The following RUSC2 variants were observed in gnomAD, a reference collection of about 807,000 sequenced individuals.
RUSC2 encodes the protein RUN and SH3 domain containing 2, also known as AP-4 complex accessory subunit RUSC2.
A neutral mutation model predicts 122.2 loss-of-function variants in RUSC2; 34 were observed. The ratio of observed to expected loss-of-function variants is 0.28; its 90% CI spans 0.21 to 0.37. RUSC2 has a LOEUF of 0.37. Among genes scored for constraint, RUSC2 ranks in the 10% least tolerant of loss-of-function variants. RUSC2 has a pLI of 1.00. For missense variants in RUSC2, 1,747 were observed against 1,952.4 expected, an observed-to-expected ratio of 0.89 and a Z score of 1.98; for synonymous variants, 784 against 790.0, an observed-to-expected ratio of 0.99 and a Z score of 0.13.
At chr9:35,516,862 T>G (rs1304649188) in intron 1 of RUSC2, among the ~76,000 whole-genome samples, 3 of 152,190 alleles carry the variant, frequency 2.0e-5, no homozygotes, top group Non-Finnish European at 4.4e-5. Flanking sequence ...TTTAAAGAGT[T>G]GTTGTTTGTT....
chr9:35,496,160 C>T (rs1020951742), intron 1 of RUSC2, among the ~76,000 whole-genome samples: 24 of 152,062 alleles, frequency 1.6e-4, no homozygotes, highest in African/African-American at 4.8e-4. Context: ...GAGAAGCATG[C>T]AACAAGTGGA....
intron 1 of RUSC2, among the ~76,000 whole-genome samples, chr9:35,541,023 A>G (rs1026164493): frequency 3.2e-4 from 48 of 152,176 alleles, no homozygotes; most frequent in African/African-American, 1.2e-3. Flanking sequence ...TGTTTAATAA[A>G]TGATCACTTA....
chr9:35,500,788 A>G (rs1186836592), intron 1 of RUSC2, among the ~76,000 whole-genome samples: 1 of 152,236 alleles, frequency 6.6e-6, no homozygotes, highest in Non-Finnish European at 1.5e-5. Context: ...ATTTATAGCT[A>G]TAGTTAACTT....
Position 35,560,445 on chromosome 9 carries a change from G to A in RUSC2, c.3805G>A (p.Gly1269Ser), listed in dbSNP as rs765299272. 8.7e-6 allele frequency: 14 copies of A among 1,614,096 alleles called. No homozygotes were observed. In the East Asian group the frequency reaches 2.0e-4, roughly 23 times the overall value. ...RARWARGGQA[G>S]WWYQLMQSSQ... Reference sequence around the variant, plus strand: ...CAGGTGGGCCCGAGGTGGGCAGGCCGGCTGGTGGTACCAGCTCATGCAGAG... The same window carrying A: ...CAGGTGGGCCCGAGGTGGGCAGGCCAGCTGGTGGTACCAGCTCATGCAGAG... Residue 1269 changes from glycine (G) to serine (S), a missense_variant, in exon 10 of 12, where the codon GGC becomes AGC. Gly to Ser is a moderately conservative substitution (Grantham distance 56). Transcript: ENST00000361226.
chr9:35,556,024 T>C lies in RUSC2; in HGVS notation c.2729T>C (p.Leu910Ser). The stretch of plus-strand genomic sequence containing the variant: ...AAGAACCCACTAGGGCCACCTGGTT[T>C]GTCAGGGAGCCTAGACCGAAGATCA... ...RRKNPLGPPGLSGSLDRRSQE... is the reference protein window; with the variant it reads ...RRKNPLGPPGSSGSLDRRSQE... Residue 910 changes from leucine (L) to serine (S), a missense_variant, in exon 4 of 12, where the codon TTG (leucine) becomes TCG (serine). By Grantham distance (145) the Leu-to-Ser change is moderately radical. Coordinates refer to ENST00000361226, the MANE Select transcript of RUSC2 (RefSeq NM_014806.5). 1 of 1,614,208 alleles carries C rather than the reference T, an allele frequency of 6.2e-7. No individual in the cohort carries two copies. Among genetic ancestry groups the C allele is most frequent in the Non-Finnish European group, 8.5e-7 (1 of 1,180,036 alleles).
Position 35,546,567 on chromosome 9 carries a change from C to T in RUSC2, c.46C>T (p.His16Tyr). ...KLTGETLIVH[H>Y]IPLVHCQVPD... Reference sequence around the variant, plus strand: ...GACTGGAGAGACCCTCATCGTTCATCACATCCCCCTGGTGCACTGCCAAGT... The same window carrying T: ...GACTGGAGAGACCCTCATCGTTCATTACATCCCCCTGGTGCACTGCCAAGT... The change falls in exon 2 of 12, where the codon CAC (histidine) becomes TAC (tyrosine). Residue 16 changes from histidine (H) to tyrosine (Y), a missense_variant. Transcript: ENST00000361226. This position sits in a 1 kb window ranked among gnomAD's most constrained non-coding sequence, Gnocchi z 4.3. 1 of 1,491,894 alleles carries T rather than the reference C, an allele frequency of 6.7e-7. No individual in the cohort carries two copies. 92.4% of individuals were successfully genotyped at this position (1,491,894 alleles called of 1,614,324 possible). A position where few individuals can be genotyped will look rare whatever the true frequency, so the allele number is the denominator to read the frequency against.
intron 1 of RUSC2, among the ~76,000 whole-genome samples, chr9:35,545,879 A>G (rs532539710): frequency 8.5e-5 from 13 of 152,290 alleles, no homozygotes; most frequent in African/African-American, 3.1e-4. Context: ...GTAGGACGAG[A>G]AAGGGGATCA....
chr9:35,512,103 C>T (rs1821020723), intron 1 of RUSC2, among the ~76,000 whole-genome samples: 1 of 152,060 alleles, frequency 6.6e-6, no homozygotes, highest in South Asian at 2.1e-4. Context: ...ATGGCATGAA[C>T]CCGGGAGGCG....
chr9:35,547,102 AGCT>A lies in RUSC2; in HGVS notation c.583_585del (p.Leu195del). ...GGCACCAGCCACTGCTGCCGGCCAG[AGCT>A]GGAAGCAGAGACTATGGAGCTGGAT... On this transcript the variant is annotated inframe_deletion, in exon 2 of 12. Coordinates refer to ENST00000361226, the MANE Select transcript of RUSC2 (RefSeq NM_014806.5). The surrounding 1 kb of genome is among the most constrained non-coding windows in gnomAD (Gnocchi z 4.6). The A allele has an allele frequency of 6.2e-7, 1 of 1,614,118 alleles. No homozygotes were observed.
rs751467649 is a variant in RUSC2 at position 35,555,584 on chromosome 9, C to T, written c.2539C>T (p.Arg847Trp). ...DQKILTLTEY[R>W]LHGTGSLPPL... Reference sequence around the variant, plus strand: ...GAAGATACTGACCTTGACTGAGTACCGGCTCCATGGAACAGGAAGCTTGCC... The same window carrying T: ...GAAGATACTGACCTTGACTGAGTACTGGCTCCATGGAACAGGAAGCTTGCC... Residue 847 changes from arginine to tryptophan, a missense_variant, in exon 3 of 12, where the codon CGG becomes TGG. Arg to Trp is a moderately radical substitution (Grantham distance 101). Transcript: ENST00000361226. The surrounding 1 kb of genome is among the most constrained non-coding windows in gnomAD (Gnocchi z 4.6). 20 of 1,613,858 alleles carry T rather than the reference C, an allele frequency of 1.2e-5. No homozygotes were observed. The highest frequency in any genetic ancestry group is 2.2e-5 in the East Asian group (1 of 44,896).
intron 1 of RUSC2, among the ~76,000 whole-genome samples, chr9:35,492,927 A>G (rs1437696583): frequency 1.3e-5 from 2 of 151,706 alleles, no homozygotes; most frequent in Non-Finnish European, 2.9e-5. Context: ...ATCATGCACT[A>G]TTTGTCTCTT....
chr9:35,552,542 G>T (rs1821921363), intron 2 of RUSC2, among the ~76,000 whole-genome samples: 1 of 152,308 alleles, frequency 6.6e-6, no homozygotes, highest in Middle Eastern at 3.4e-3. Context: ...TGGGATATTT[G>T]ATTGCAAACT....
chr9:35,556,465 G>C lies in RUSC2; in HGVS notation c.2983+17G>C. On this transcript the variant is annotated intron_variant, in intron 5 of 11. Coordinates refer to ENST00000361226, the MANE Select transcript of RUSC2 (RefSeq NM_014806.5). ...AGAAAAAAGGTGCATACAACCCCCA[G>C]CTCAGGCCAGGGACTCTGCTGTCAC... 6.2e-7 allele frequency: 1 copy of C among 1,611,594 alleles called. No homozygotes were observed. The highest frequency in any genetic ancestry group is 8.5e-7 in the Non-Finnish European group (1 of 1,178,872).
chr9:35,555,915 C>T lies in RUSC2; in HGVS notation c.2657-37C>T. ...GAAACTCTGTCTCGCTGTCTCCTGC[C>T]AACTCTTGTCTTTCTGCTAATCTGT... On this transcript the variant is annotated intron_variant, in intron 3 of 11. Coordinates refer to ENST00000361226, the MANE Select transcript of RUSC2 (RefSeq NM_014806.5). The surrounding 1 kb of genome is among the most constrained non-coding windows in gnomAD (Gnocchi z 4.6). 6.3e-7 allele frequency: 1 copy of T among 1,599,920 alleles called. No individual in the cohort carries two copies. Among genetic ancestry groups the T allele is most frequent in the Non-Finnish European group, 8.5e-7 (1 of 1,170,494 alleles).
intron 1 of RUSC2, among the ~76,000 whole-genome samples, chr9:35,503,953 T>G (rs1820865210): frequency 6.6e-6 from 1 of 152,114 alleles, no homozygotes; most frequent in Admixed American, 6.6e-5. Context: ...TTTTGTGTTT[T>G]TAGTAGAGAC....
chr9:35,512,050 T>G (rs542551500), intron 1 of RUSC2, among the ~76,000 whole-genome samples: 14 of 152,152 alleles, frequency 9.2e-5, no homozygotes, highest in Non-Finnish European at 1.3e-4. Context: ...GCGTGGTGGC[T>G]GGCGCCTGTA....
chr9:35,544,667 T>G (rs1821711780), intron 1 of RUSC2, among the ~76,000 whole-genome samples: 1 of 152,174 alleles, frequency 6.6e-6, no homozygotes, highest in African/African-American at 2.4e-5. Context: ...AGAAGTCTTT[T>G]ATCAGGTATA....
chr9:35,533,756 T>C (rs1167551483), intron 1 of RUSC2, among the ~76,000 whole-genome samples: 3 of 152,262 alleles, frequency 2.0e-5, no homozygotes, highest in African/African-American at 7.2e-5. Context: ...TCACCTAGCA[T>C]GTTTTCAAGG....
Position 35,555,057 on chromosome 9 carries a change from C to T in RUSC2, c.2015-3C>T. 1 of 1,610,756 alleles carries T rather than the reference C, an allele frequency of 6.2e-7. No individual in the cohort carries two copies. Among genetic ancestry groups the T allele is most frequent in the Non-Finnish European group, 8.5e-7 (1 of 1,179,954 alleles). ...TGATTTCTTCTCCATCCCTTTGCTA[C>T]AGGGGGTGGCACCGAGAGCCGACCA... is the stretch of plus-strand genomic sequence containing the variant. On this transcript the variant is annotated splice_region_variant and splice_polypyrimidine_tract_variant and intron_variant, in intron 2 of 11. Coordinates refer to ENST00000361226, the MANE Select transcript of RUSC2 (RefSeq NM_014806.5). This position sits in a 1 kb window ranked among gnomAD's most constrained non-coding sequence, Gnocchi z 4.6.
Sources: allele counts gnomAD v4.1 joint callset (sites outside exome capture counted in the v4.1 genomes callset), GRCh38; gene constraint gnomAD v4.1.1; non-coding constraint Gnocchi (gnomAD v3.1); transcripts MANE v1.5; gene names NCBI Gene and HGNC (gene_info 2026-07-23, HGNC 2026-07-21).